The following PJA2 variants were observed in gnomAD, a reference collection of about 807,000 sequenced individuals.
PJA2 encodes E3 ubiquitin-protein ligase Praja-2.
A neutral mutation model predicts 69.3 loss-of-function variants in PJA2; 25 were observed. That is an observed-to-expected ratio of 0.36 (90% CI 0.26 to 0.50). PJA2 has a LOEUF of 0.50. PJA2 is among the 20% of genes least tolerant of loss of function. The probability of loss-of-function intolerance (pLI) is 0.96; values close to 1 mark genes in which losing one functional copy is unlikely to be tolerated. For missense variants in PJA2, 809 were observed against 830.2 expected (o/e 0.97, Z 0.31); for synonymous variants, 308 against 277.8 (o/e 1.11, Z -1.08).
intron 3 of PJA2, among the ~76,000 whole-genome samples, chr5:109,379,975 A>AC (rs1276828278): frequency 6.6e-6 from 1 of 151,942 alleles, no homozygotes; most frequent in Non-Finnish European, 1.5e-5. Context: ...TAATAAAAAA[A>AC]ATGAAGACAT....
At chr5:109,354,443 A>G (rs1211258635) in intron 7 of PJA2, among the ~76,000 whole-genome samples, 2 of 138,268 alleles carry the variant, frequency 1.4e-5, no homozygotes, top group Non-Finnish European at 3.1e-5. Flanking sequence ...AGAGATGTCT[A>G]TAGATTAGAT....
chr5:109,369,145 C>A (rs1168210385), intron 4 of PJA2, among the ~76,000 whole-genome samples: 3 of 152,098 alleles, frequency 2.0e-5, no homozygotes, highest in African/African-American at 7.2e-5. Context: ...GTACAGCCTG[C>A]TGAACTATGA....
At chr5:109,372,019 CT>C (rs1238055792) in intron 4 of PJA2, among the ~76,000 whole-genome samples, 1 of 152,186 alleles carries the variant, frequency 6.6e-6, no homozygotes, top group African/African-American at 2.4e-5. Flanking sequence ...CCATCAATAA[CT>C]GTTAGCGAGT....
chr5:109,407,190 T>G, intron 1 of PJA2, among the ~76,000 whole-genome samples: 1 of 152,172 alleles, frequency 6.6e-6, no homozygotes. Flanking sequence ...AATAAGTACA[T>G]TTTACTGTAT....
chr5:109,346,913 A>T (rs1242899690), intron 7 of PJA2, among the ~76,000 whole-genome samples: 1 of 152,338 alleles, frequency 6.6e-6, no homozygotes, highest in East Asian at 1.9e-4. Flanking sequence ...ATAGAAGAAG[A>T]ATTCTGCCTG....
At chr5:109,379,530 CAT>C (rs1168960944) in intron 3 of PJA2, among the ~76,000 whole-genome samples, 5 of 152,190 alleles carry the variant, frequency 3.3e-5, no homozygotes, top group Admixed American at 3.3e-4. Flanking sequence ...TTCTGCAAGA[CAT>C]ATAAAGGAGA....
At chr5:109,357,400 A>G (rs961485775) in intron 6 of PJA2, among the ~76,000 whole-genome samples, 1 of 152,206 alleles carries the variant, frequency 6.6e-6, no homozygotes, top group Non-Finnish European at 1.5e-5. Context: ...GTAATGTTAT[A>G]GTTTAGCAGT....
At chr5:109,357,400 A>C (rs961485775) in intron 6 of PJA2, among the ~76,000 whole-genome samples, 1 of 152,206 alleles carries the variant, frequency 6.6e-6, no homozygotes, top group Non-Finnish European at 1.5e-5. Flanking sequence ...GTAATGTTAT[A>C]GTTTAGCAGT....
At position 109,354,553 on chromosome 5, in the gene PJA2, G is replaced by A. The variant is rs916925673; in HGVS notation, c.1764+1362C>T. 3.3e-4 allele frequency among the ~76,000 whole-genome samples: 42 copies of A among 128,776 alleles called. 1 individual carries two copies. Among genetic ancestry groups the A allele is most frequent in the Non-Finnish European group, 1.1e-4 (7 of 62,374 alleles). 84.5% of individuals were successfully genotyped at this position (128,776 alleles called of 152,430 possible). A position where few individuals can be genotyped will look rare whatever the true frequency, so the allele number is the denominator to read the frequency against. On this transcript the variant is annotated intron_variant, in intron 7 of 9. Transcript: ENST00000361189. ...TATAATATCTATAGATATCTATATC[G>A]ATATTAGATATCTATAATATCTATA...
intron 1 of PJA2, among the ~76,000 whole-genome samples, chr5:109,387,574 T>G (rs955135459): frequency 6.6e-6 from 1 of 152,116 alleles, no homozygotes; most frequent in African/African-American, 2.4e-5. Context: ...CAATTCGGGG[T>G]TTTTACATAC....
Position 109,336,375 on chromosome 5 carries a change from A to C in PJA2, c.*856T>G, listed in dbSNP as rs1334207740. 3 of 152,178 alleles carry C rather than the reference A, an allele frequency of 2.0e-5. No individual in the cohort carries two copies. The South Asian group carries it at 6.2e-4, about 31-fold the overall frequency. 9.4% of individuals were successfully genotyped at this position (152,178 alleles called of 1,614,324 possible). A position where few individuals can be genotyped will look rare whatever the true frequency, so the allele number is the denominator to read the frequency against. On this transcript the variant is annotated 3_prime_UTR_variant, in exon 10 of 10. Coordinates refer to ENST00000361189, the MANE Select transcript of PJA2 (RefSeq NM_014819.5). ...GACCTTCCAAAATACTGTAGAAGCA[A>C]AATTACCTTAAACTAACTATAAGCA... is the stretch of plus-strand genomic sequence containing the variant.
At chr5:109,383,347 G>C in intron 2 of PJA2, 56 bp downstream of exon 2, 4 of 1,514,184 alleles carry the variant, frequency 2.6e-6, no homozygotes, top group Non-Finnish European at 2.7e-6. Context: ...TGGTACTCAA[G>C]GTACCCAGAG....
rs766369608 is a variant in PJA2 at position 109,334,723 on chromosome 5, A to G, written c.*2508T>C. On this transcript the variant is annotated 3_prime_UTR_variant, in exon 10 of 10. Coordinates refer to ENST00000361189, the MANE Select transcript of PJA2 (RefSeq NM_014819.5). ...ACACAATTAAATATTAGAAATGACC[A>G]CCGAGTATATTCTGTTTATTGTTTA... 6.6e-6 allele frequency: 1 copy of G among 152,668 alleles called. No individual in the cohort carries two copies. The highest frequency in any genetic ancestry group is 1.5e-5 in the Non-Finnish European group (1 of 68,040). The allele number at this position is 152,668 out of a possible 1,614,324, so 9.5% of individuals were successfully genotyped here. A position where few individuals can be genotyped will look rare whatever the true frequency, so the allele number is the denominator to read the frequency against.
intron 9 of PJA2, among the ~76,000 whole-genome samples, chr5:109,338,102 C>T (rs1462956683): frequency 6.6e-6 from 1 of 152,088 alleles, no homozygotes; most frequent in Non-Finnish European, 1.5e-5. Flanking sequence ...AGATTATCCC[C>T]TTGCAAATCT....
intron 5 of PJA2, among the ~76,000 whole-genome samples, chr5:109,363,997 C>A (rs1352331658): frequency 6.6e-6 from 1 of 151,936 alleles, no homozygotes; most frequent in Non-Finnish European, 1.5e-5. Flanking sequence ...ACTAAAACTA[C>A]AAAAAATTAG....
At chr5:109,394,039 CTTTTTTTTTTT>C (rs75679188) in intron 1 of PJA2, among the ~76,000 whole-genome samples, 10 of 81,858 alleles carry the variant, frequency 1.2e-4, no homozygotes, top group Non-Finnish European at 2.0e-4. Context: ...TTCTAATTCT[CTTTTTTTTTTT>C]TTTTTTTTTT....
chr5:109,334,803 C>T lies in PJA2; in HGVS notation c.*2428G>A, dbSNP rs1224024348. The T allele has an allele frequency of 1.3e-5, 2 of 152,558 alleles. No homozygotes were observed. Among genetic ancestry groups the T allele is most frequent in the South Asian group, 2.1e-4 (1 of 4,834 alleles). The allele number at this position is 152,558 out of a possible 1,614,324, so 9.5% of individuals were successfully genotyped here. On this transcript the variant is annotated 3_prime_UTR_variant, in exon 10 of 10. Coordinates refer to ENST00000361189, the MANE Select transcript of PJA2 (RefSeq NM_014819.5). ...TTATAGAACAATAAACCAACCATTA[C>T]ATTTAGACCTGGGCTTTTGAAAAAC...
chr5:109,384,273 A>G (rs1747112229), intron 1 of PJA2, among the ~76,000 whole-genome samples: 1 of 152,100 alleles, frequency 6.6e-6, no homozygotes, highest in Non-Finnish European at 1.5e-5. Context: ...AAAAATGTGT[A>G]ATGGCTTATA....
chr5:109,368,909 C>T (rs1230772584), intron 4 of PJA2, among the ~76,000 whole-genome samples, 163 bp from the exon 5 acceptor site: 1 of 152,124 alleles, frequency 6.6e-6, no homozygotes, highest in East Asian at 1.9e-4. Context: ...GTGACTGCAT[C>T]ATGGGGGTGT....
Sources: gnomAD v4.1 joint callset for allele counts (sites outside exome capture counted in the v4.1 genomes callset) on GRCh38, gnomAD v4.1.1 for gene constraint, MANE v1.5 for transcripts, NCBI Gene and HGNC (gene_info 2026-07-23, HGNC 2026-07-21) for gene names.